Variants in MYO16 observed in about 807,000 individuals in gnomAD.
The protein encoded by MYO16 is unconventional myosin-XVI.
A neutral mutation model predicts 205.3 loss-of-function variants in MYO16; 94 were observed. That is an observed-to-expected ratio of 0.46 (90% CI 0.39 to 0.54). MYO16 has a LOEUF of 0.54. MYO16 is among the 20% of genes least tolerant of loss of function. The pLI is 0.00. For synonymous variants in MYO16, 988 were observed against 954.0 expected, an observed-to-expected ratio of 1.04 and a Z score of -0.66; for missense variants, 2,315 against 2,387.5, an observed-to-expected ratio of 0.97 and a Z score of 0.63.
intron 27 of MYO16, among the ~76,000 whole-genome samples, chr13:109,082,321 T>A (rs1487938333): frequency 6.6e-6 from 1 of 152,202 alleles, no homozygotes; most frequent in South Asian, 2.1e-4. Flanking sequence ...GAAACACTTT[T>A]AGCAGCTAAG....
chr13:109,108,659 A>G (rs1889194804), intron 28 of MYO16, among the ~76,000 whole-genome samples: 1 of 152,204 alleles, frequency 6.6e-6, no homozygotes, highest in Non-Finnish European at 1.5e-5. Flanking sequence ...AAATAATCAC[A>G]GGTTAGGATC....
At chr13:108,870,945 A>G (rs978853590) in intron 12 of MYO16, among the ~76,000 whole-genome samples, 2 of 152,060 alleles carry the variant, frequency 1.3e-5, no homozygotes, top group East Asian at 3.8e-4. Flanking sequence ...AGTTTAAGGT[A>G]TTATCTGTTT....
At chr13:108,803,191 G>GCC (rs1201628693) in intron 6 of MYO16, among the ~76,000 whole-genome samples, 1 of 152,150 alleles carries the variant, frequency 6.6e-6, no homozygotes, top group African/African-American at 2.4e-5. Context: ...ACCAGGCGGG[G>GCC]CCATCTTGGT....
chr13:108,826,349 T>C (rs1237155579), intron 9 of MYO16, among the ~76,000 whole-genome samples: 2 of 152,122 alleles, frequency 1.3e-5, no homozygotes, highest in Non-Finnish European at 2.9e-5. Context: ...TAAACAGTAC[T>C]GAGACAACTG....
At chr13:109,050,632 T>G (rs567753712) in intron 24 of MYO16, among the ~76,000 whole-genome samples, 1 of 152,328 alleles carries the variant, frequency 6.6e-6, no homozygotes, top group Non-Finnish European at 1.5e-5. Flanking sequence ...TTCTTATGAT[T>G]GCAAAATTTT....
chr13:108,921,518 A>C (rs1244712462), intron 16 of MYO16, among the ~76,000 whole-genome samples: 1 of 152,234 alleles, frequency 6.6e-6, no homozygotes, highest in African/African-American at 2.4e-5. Context: ...ACAGTTGAAG[A>C]TAAAATGCTT....
intron 1 of MYO16, among the ~76,000 whole-genome samples, chr13:108,604,504 A>T (rs1251518893): frequency 6.6e-6 from 1 of 152,220 alleles, no homozygotes; most frequent in Admixed American, 6.5e-5. Flanking sequence ...TGGTGATAGC[A>T]CAAAAGAACT....
chr13:109,085,011 GA>G (rs1224758764), intron 27 of MYO16, among the ~76,000 whole-genome samples: 1 of 152,112 alleles, frequency 6.6e-6, no homozygotes, highest in Non-Finnish European at 1.5e-5. Flanking sequence ...CACTTAAAAT[GA>G]GCCCGAAAGG....
intron 7 of MYO16, among the ~76,000 whole-genome samples, chr13:108,812,199 T>C (rs1417447916): frequency 1.3e-5 from 2 of 152,114 alleles, no homozygotes; most frequent in Admixed American, 6.6e-5. Context: ...CATATGATGG[T>C]TCCTCTCCTG....
At chr13:109,093,270 C>A (rs961809083) in intron 27 of MYO16, among the ~76,000 whole-genome samples, 1 of 152,104 alleles carries the variant, frequency 6.6e-6, no homozygotes, top group African/African-American at 2.4e-5. Flanking sequence ...GCAAATGGAG[C>A]GTCTAACATA....
chr13:109,008,736 T>A (rs1419499443), intron 21 of MYO16, among the ~76,000 whole-genome samples, 161 bp from the exon 22 acceptor site: 1 of 147,458 alleles, frequency 6.8e-6, no homozygotes, highest in Admixed American at 6.8e-5. Flanking sequence ...ACTATCTATC[T>A]TGTGTATGCA....
chr13:109,052,424 G>C lies in MYO16; in HGVS notation c.2997G>C (p.Met999Ile). ...AGTCTGCCCTGCTCAGTAAGAAAATGACAGCTTCTTCAATTATTGGAGAAA... is the reference window on the plus strand; with the variant it reads ...AGTCTGCCCTGCTCAGTAAGAAAATCACAGCTTCTTCAATTATTGGAGAAA... ...GHKSALLSKK[M>I]TASSIIGENK... The change falls in exon 25 of 35, where the codon ATG (methionine) becomes ATC (isoleucine). Residue 999 changes from methionine (M) to isoleucine (I), a missense_variant. Met to Ile is a conservative substitution (Grantham distance 10, BLOSUM62 1). Transcript: ENST00000457511. 6.2e-7 allele frequency: 1 copy of C among 1,612,256 alleles called. No individual in the cohort carries two copies. Among genetic ancestry groups the C allele is most frequent in the Non-Finnish European group, 8.5e-7 (1 of 1,178,786 alleles).
chr13:108,634,211 C>T (rs559887952), intron 1 of MYO16, among the ~76,000 whole-genome samples: 2 of 152,294 alleles, frequency 1.3e-5, no homozygotes, highest in African/African-American at 2.4e-5. Flanking sequence ...ACCCCTTCTT[C>T]TAACTCCAAT....
Position 108,714,902 on chromosome 13 carries a change from C to T in MYO16, c.363+2171C>T, listed in dbSNP as rs936693322. On this transcript the variant is annotated intron_variant, in intron 3 of 34. Transcript: ENST00000457511. ...TCTCATCCCCTCGACAGCTGCCAGT[C>T]GGTTTTAAACCACCATCCCTCTTTT... 5.9e-5 allele frequency among the ~76,000 whole-genome samples: 9 copies of T among 152,142 alleles called. No homozygotes were observed. In the East Asian group the frequency reaches 7.7e-4, roughly 13 times the overall value.
At chr13:108,518,403 G>A in the MYO16 span, among the ~76,000 whole-genome samples, 1 of 152,134 alleles carries the variant, frequency 6.6e-6, no homozygotes, top group South Asian at 2.1e-4. Context: ...AACAGGAATA[G>A]CATCTGCCTG....
In MYO16 at chr13:108,910,262, T is replaced by C. The variant is rs1881194206; in HGVS notation, c.1925+112T>C. ...CAGAGACAAAATGGTGAGTAAAAGA[T>C]AACTGTTGGATACTGTTAGGTTGAA... On this transcript the variant is annotated intron_variant, in intron 16 of 34. Coordinates refer to ENST00000457511, the MANE Select transcript of MYO16 (RefSeq NM_001198950.3). 6.8e-6 allele frequency: 8 copies of C among 1,181,126 alleles called. No homozygotes were observed. The South Asian group carries it at 8.7e-5, about 13-fold the overall frequency. The allele number at this position is 1,181,126 out of a possible 1,614,324, so 73.2% of individuals were successfully genotyped here.
chr13:108,527,031 A>G, the MYO16 span, among the ~76,000 whole-genome samples: 1 of 152,242 alleles, frequency 6.6e-6, no homozygotes, highest in Non-Finnish European at 1.5e-5. Flanking sequence ...GGATGAAGTT[A>G]CAAAATACTG....
chr13:108,683,462 G>C lies in MYO16; in HGVS notation c.292+17313G>C, dbSNP rs375878472. ...AAAATACCCAAACCTTATAGTCCATGACCTAACTCTCATGGGAAGCATTTA... is the reference window on the plus strand; with the variant it reads ...AAAATACCCAAACCTTATAGTCCATCACCTAACTCTCATGGGAAGCATTTA... On this transcript the variant is annotated intron_variant, in intron 2 of 34. Coordinates refer to ENST00000457511, the MANE Select transcript of MYO16 (RefSeq NM_001198950.3). Among the ~76,000 whole-genome samples, 3 of 152,280 alleles carry C rather than the reference G, an allele frequency of 2.0e-5. No individual in the cohort carries two copies. The East Asian group carries it at 5.8e-4, about 29-fold the overall frequency.
rs117532655 is a variant in MYO16, at chr13:108,663,725, G to A, written c.29-2161G>A. On this transcript the variant is annotated intron_variant, in intron 1 of 34. Transcript: ENST00000457511. Reference sequence around the variant, plus strand: ...AATTTCACCAAGAGACGCTTCTTAAGAGTTACAAACTAGAGGACTGCTATG... The same window carrying A: ...AATTTCACCAAGAGACGCTTCTTAAAAGTTACAAACTAGAGGACTGCTATG... Among the ~76,000 whole-genome samples, 44 of 152,282 alleles carry A rather than the reference G, an allele frequency of 2.9e-4. No individual in the cohort carries two copies. In the East Asian group the frequency reaches 8.1e-3, roughly 28 times the overall value.
Sources: allele counts gnomAD v4.1 joint callset (sites outside exome capture counted in the v4.1 genomes callset), GRCh38; gene constraint gnomAD v4.1.1; transcripts MANE v1.5; gene names NCBI Gene and HGNC (gene_info 2026-07-23, HGNC 2026-07-21).